TMC1: variants seen among roughly 807,000 people sequenced by gnomAD.
TMC1 encodes transmembrane channel like 1.
TMC1 carries 84 observed loss-of-function variants against 105.8 expected under a neutral mutation model. That is an observed-to-expected ratio of 0.79 (90% CI 0.67 to 0.95). The LOEUF (loss-of-function observed/expected upper bound fraction) is 0.95. Ranked by LOEUF, TMC1 falls within the 40% of genes least tolerant of loss-of-function variation. The pLI is 0.00. For missense variants in TMC1, 817 were observed against 914.1 expected, an observed-to-expected ratio of 0.89 and a Z score of 1.37; for synonymous variants, 315 against 311.5, an observed-to-expected ratio of 1.01 and a Z score of -0.12.
chr9:72,549,993 CT>C lies in TMC1; in HGVS notation c.-427-27908del, dbSNP rs562394309. On this transcript the variant is annotated intron_variant, in intron 1 of 23. Transcript: ENST00000297784. ...GAGCTCCGGACCTCAGGCCATCCACCTACCTCGGCTTCCCAAAGTGCTAGGA... is the reference window on the plus strand; with the variant it reads ...GAGCTCCGGACCTCAGGCCATCCACCACCTCGGCTTCCCAAAGTGCTAGGA... 2.4e-4 allele frequency among the ~76,000 whole-genome samples: 37 copies of C among 151,964 alleles called. No individual in the cohort carries two copies. In the South Asian group the frequency reaches 5.9e-3, roughly 24 times the overall value.
At chr9:72,637,453 A>G (rs566393318) in intron 4 of TMC1, among the ~76,000 whole-genome samples, 13 of 152,230 alleles carry the variant, frequency 8.5e-5, no homozygotes, top group African/African-American at 2.9e-4. Flanking sequence ...CTTTGGAAGT[A>G]GGAACTCCTA....
chr9:72,743,681 C>T (rs1471803599), intron 10 of TMC1, among the ~76,000 whole-genome samples: 1 of 151,572 alleles, frequency 6.6e-6, no homozygotes, highest in African/African-American at 2.4e-5. Context: ...TCTGAATATT[C>T]ACATTGTGCC....
chr9:72,545,963 A>T (rs1039384993), intron 1 of TMC1, among the ~76,000 whole-genome samples: 5 of 149,272 alleles, frequency 3.3e-5, no homozygotes, highest in Non-Finnish European at 7.4e-5. Context: ...AAAAAAAACA[A>T]ACCTTCACTA....
intron 1 of TMC1, among the ~76,000 whole-genome samples, chr9:72,536,070 T>A (rs1823579286): frequency 6.6e-6 from 1 of 152,222 alleles, no homozygotes; most frequent in Non-Finnish European, 1.5e-5. Flanking sequence ...CTTCTCACAT[T>A]CAAATACAAT....
At chr9:72,795,334 A>C (rs181923129) in intron 17 of TMC1, among the ~76,000 whole-genome samples, 1 of 152,350 alleles carries the variant, frequency 6.6e-6, no homozygotes, top group Non-Finnish European at 1.5e-5. Context: ...GATCATCCCC[A>C]AAACACACAA....
chr9:72,556,795 T>C (rs901880985), intron 1 of TMC1, among the ~76,000 whole-genome samples: 6 of 151,928 alleles, frequency 3.9e-5, no homozygotes, highest in African/African-American at 1.4e-4. Context: ...CACTCTAGCC[T>C]GGGAGATAGA....
intron 2 of TMC1, among the ~76,000 whole-genome samples, chr9:72,604,327 C>A (rs531567040): frequency 6.6e-6 from 1 of 152,216 alleles, no homozygotes; most frequent in South Asian, 2.1e-4. Flanking sequence ...AAAGAAATCA[C>A]AAAATTAGTT....
intron 18 of TMC1, among the ~76,000 whole-genome samples, chr9:72,814,103 C>T (rs1828745315): frequency 6.6e-6 from 1 of 152,188 alleles, no homozygotes. Flanking sequence ...GCATTTAAAA[C>T]GTTGAGTTTT....
At chr9:72,615,126 G>A (rs1825105799) in intron 2 of TMC1, among the ~76,000 whole-genome samples, 1 of 152,264 alleles carries the variant, frequency 6.6e-6, no homozygotes, top group East Asian at 1.9e-4. Context: ...AATTAAGCCA[G>A]TATGTTAAAT....
intron 5 of TMC1, among the ~76,000 whole-genome samples, chr9:72,650,688 G>A (rs1442137185): frequency 2.0e-5 from 3 of 151,178 alleles, no homozygotes; most frequent in Non-Finnish European, 4.4e-5. Flanking sequence ...CCCAGGGTCT[G>A]TTGTTTCCTT....
intron 8 of TMC1, among the ~76,000 whole-genome samples, chr9:72,709,234 C>A (rs543949420): frequency 6.6e-6 from 1 of 152,078 alleles, no homozygotes; most frequent in Non-Finnish European, 1.5e-5. Flanking sequence ...AGTGGATTAT[C>A]TTTTTGATAT....
chr9:72,636,342 GCAT>G (rs1825534136), intron 4 of TMC1, among the ~76,000 whole-genome samples: 1 of 152,160 alleles, frequency 6.6e-6, no homozygotes, highest in African/African-American at 2.4e-5. Flanking sequence ...TTGGCAGTTG[GCAT>G]CTTGTATCTT....
intron 3 of TMC1, among the ~76,000 whole-genome samples, chr9:72,623,162 CTTTT>C (rs57488888): frequency 1.0e-5 from 1 of 97,138 alleles, no homozygotes; most frequent in Non-Finnish European, 2.0e-5. Flanking sequence ...TTTTTTTTTT[CTTTT>C]TTTTTTTTTT....
chr9:72,729,282 A>C (rs572046427), intron 8 of TMC1, among the ~76,000 whole-genome samples: 96 of 152,312 alleles, frequency 6.3e-4, no homozygotes, highest in Admixed American at 1.0e-3. Context: ...AGGTCTTAGT[A>C]ATCTAAAAAA....
In TMC1 at chr9:72,772,475, G is replaced by A. The variant is rs1263141648; in HGVS notation, c.804G>A (p.Trp268Ter). 1 of 1,613,844 alleles carries A rather than the reference G, an allele frequency of 6.2e-7. No homozygotes were observed. The highest frequency in any genetic ancestry group is 1.3e-5 in the African/African-American group (1 of 74,914). The change falls in exon 13 of 24, where the codon TGG (tryptophan) becomes TGA (stop). Residue 268 changes from tryptophan to a stop codon, truncating the protein, a stop_gained. Coordinates refer to ENST00000297784, the MANE Select transcript of TMC1 (RefSeq NM_138691.3). LOFTEE classifies it high-confidence loss of function. ...GYYDNKRTIG[W>*]MNFRLPLSYF... ...ATGACAATAAACGAACAATTGGATGGATGAATTTCAGGTTGCCGCTCTCCT... is the reference window on the plus strand; with the variant it reads ...ATGACAATAAACGAACAATTGGATGAATGAATTTCAGGTTGCCGCTCTCCT...
At chr9:72,759,318 A>C (rs958637508) in intron 12 of TMC1, among the ~76,000 whole-genome samples, 11 of 152,146 alleles carry the variant, frequency 7.2e-5, no homozygotes, top group Non-Finnish European at 1.3e-4. Context: ...TGCCTCCTAT[A>C]GGAAAAATCT....
chr9:72,795,040 G>C (rs1828339277), intron 17 of TMC1, among the ~76,000 whole-genome samples: 1 of 152,154 alleles, frequency 6.6e-6, no homozygotes, highest in Non-Finnish European at 1.5e-5. Flanking sequence ...AGAACTTGAA[G>C]ACTGGCTCTC....
At chr9:72,750,758 C>T (rs949661993) in intron 10 of TMC1, among the ~76,000 whole-genome samples, 2 of 152,194 alleles carry the variant, frequency 1.3e-5, no homozygotes, top group African/African-American at 4.8e-5. Flanking sequence ...AAAATTCTCA[C>T]TCTTTACCAT....
Position 72,820,847 on chromosome 9 carries a change from G to C in TMC1, c.1769G>C (p.Gly590Ala). ...GAGTTCTGTTTTCTTTCTAGGATGG[G>C]CTCCTTCTTTGCTCCCAGCCTCCCA... ...LIFNQGMIWM[G>A]SFFAPSLPGI... The change falls in exon 20 of 24, where the codon GGC becomes GCC. Residue 590 changes from glycine to alanine, a missense_variant. Physicochemically the swap from Gly to Ala is moderately conservative, Grantham distance 60. Transcript: ENST00000297784. The C allele has an allele frequency of 6.2e-7, 1 of 1,614,048 alleles. No individual in the cohort carries two copies. The highest frequency in any genetic ancestry group is 8.5e-7 in the Non-Finnish European group (1 of 1,180,016).
Sources: allele counts gnomAD v4.1 joint callset (sites outside exome capture counted in the v4.1 genomes callset), GRCh38; gene constraint gnomAD v4.1.1; transcripts MANE v1.5; gene names NCBI Gene and HGNC (gene_info 2026-07-23, HGNC 2026-07-21).